The following SCN3B variants were observed in gnomAD, a reference collection of about 807,000 sequenced individuals.
SCN3B encodes sodium channel regulatory subunit beta-3.
SCN3B carries 11 observed loss-of-function variants against 25.4 expected under a neutral mutation model. That is an observed-to-expected ratio of 0.43 (90% confidence interval 0.27 to 0.72). The LOEUF (loss-of-function observed/expected upper bound fraction) is 0.72, where lower values mean the gene tolerates loss of function less well. SCN3B is among the 30% of genes least tolerant of loss of function. SCN3B has a pLI of 0.18. For synonymous variants in SCN3B, 109 were observed against 110.7 expected (o/e 0.99, Z 0.09); for missense variants, 218 against 278.3 (o/e 0.78, Z 1.54).
chr11:123,648,899 G>A (rs1720338), intron 2 of SCN3B, among the ~76,000 whole-genome samples: 12,467 of 152,204 alleles, frequency 0.082, 531 homozygotes, highest in Middle Eastern at 0.11. Context: ...AGGTCTTATT[G>A]GCCATGTTAG....
At chr11:123,634,348 A>T (rs1418995220) in intron 5 of SCN3B, 142 bp from the exon 6 acceptor site, 1 of 714,446 alleles carries the variant, frequency 1.4e-6, no homozygotes, top group African/African-American at 1.7e-5. Flanking sequence ...GAGAAAAACA[A>T]CCTTTTCTGC....
At chr11:123,634,053 G>A (rs1716177246) in intron 6 of SCN3B, 68 bp downstream of exon 6, 2 of 1,292,448 alleles carry the variant, frequency 1.5e-6, no homozygotes, top group South Asian at 1.2e-5. Context: ...TTCAGTTGTG[G>A]GCAACAAAGT....
Position 123,633,750 on chromosome 11 carries a change from G to A in SCN3B, c.*49C>T, listed in dbSNP as rs1432718483. 3 of 313,364 alleles carry A rather than the reference G, an allele frequency of 9.6e-6. No individual in the cohort carries two copies. The highest frequency in any genetic ancestry group is 4.3e-5 in the African/African-American group (2 of 46,344). The allele number at this position is 313,364 out of a possible 1,614,324, so 19.4% of individuals were successfully genotyped here. Reference sequence around the variant, plus strand: ...CCATTGACATTGCTGAACATGGGATGTCCAGTCCCTCAGGTGTTCAGGCCA... The same window carrying A: ...CCATTGACATTGCTGAACATGGGATATCCAGTCCCTCAGGTGTTCAGGCCA... On this transcript the variant is annotated 3_prime_UTR_variant, in exon 7 of 7. Coordinates refer to ENST00000299333, the MANE Select transcript of SCN3B (RefSeq NM_001040151.2).
At chr11:123,644,642 G>A (rs556504605) in intron 3 of SCN3B, among the ~76,000 whole-genome samples, 10 of 151,840 alleles carry the variant, frequency 6.6e-5, no homozygotes, top group Middle Eastern at 3.4e-3. Flanking sequence ...CATGGTGGTG[G>A]TGCCTATAGT....
intron 2 of SCN3B, among the ~76,000 whole-genome samples, chr11:123,652,809 C>T (rs1005812760): frequency 3.9e-5 from 6 of 151,978 alleles, no homozygotes; most frequent in African/African-American, 1.4e-4. Flanking sequence ...CCCATGCATT[C>T]AGATGTCTAT....
At position 123,634,140 on chromosome 11, in the gene SCN3B, G is replaced by A. The variant is rs765910895; in HGVS notation, c.*3C>T. On this transcript the variant is annotated 3_prime_UTR_variant, in exon 6 of 7. Transcript: ENST00000299333. ...GGTCACCTCATGTCACACTGCTCCT[G>A]TTCTATTCCTCCACTGGTACCGCAG... The A allele has an allele frequency of 1.2e-6, 2 of 1,613,542 alleles. No homozygotes were observed. Among genetic ancestry groups the A allele is most frequent in the Non-Finnish European group, 8.5e-7 (1 of 1,179,696 alleles).
chr11:123,638,311 G>A lies in SCN3B; in HGVS notation c.459C>T (p.Phe153=), dbSNP rs1468330507. The A allele has an allele frequency of 6.2e-7, 1 of 1,614,086 alleles. No homozygotes were observed. The highest frequency in any genetic ancestry group is 8.5e-7 in the Non-Finnish European group (1 of 1,180,046). ...LRVTEEAGED[F]TSVVSEIMMY... ...TCATGATTTCTGAGACCACAGAGGT[G>A]AAGTCCTCTCCAGCTGAAAGAAAGA... Residue 153 remains phenylalanine, a synonymous_variant, in exon 5 of 7, where the codon TTC becomes TTT. Coordinates refer to ENST00000299333, the MANE Select transcript of SCN3B (RefSeq NM_001040151.2).
rs545690408 is a variant in SCN3B, at chr11:123,649,711, C to CT, written c.56-3962dup. Among the ~76,000 whole-genome samples, 821 of 124,910 alleles carry CT rather than the reference C, an allele frequency of 6.6e-3. 2 individuals are homozygous for CT. The highest frequency in any genetic ancestry group is 8.7e-3 in the African/African-American group (294 of 33,874). 81.9% of individuals were successfully genotyped at this position (124,910 alleles called of 152,430 possible). Reference sequence around the variant, plus strand: ...TCTCTGTCTCTGTCTCTCTCTCTTTCTTTTTTTTTTAGATGGAGTTTCACT... The same window carrying CT: ...TCTCTGTCTCTGTCTCTCTCTCTTTCTTTTTTTTTTTAGATGGAGTTTCACT... On this transcript the variant is annotated intron_variant, in intron 2 of 6. Coordinates refer to ENST00000299333, the MANE Select transcript of SCN3B (RefSeq NM_001040151.2).
intron 2 of SCN3B, among the ~76,000 whole-genome samples, chr11:123,653,083 A>C (rs747584713): frequency 1.3e-5 from 2 of 152,034 alleles, no homozygotes; most frequent in Non-Finnish European, 2.9e-5. Context: ...TGAAGGCAAA[A>C]ACCCAGCTCT....
Position 123,629,304 on chromosome 11 carries a change from G to A in SCN3B, c.*4495C>T, listed in dbSNP as rs1955638152. 6.6e-6 allele frequency: 1 copy of A among 152,196 alleles called. No homozygotes were observed. The highest frequency in any genetic ancestry group is 1.5e-5 in the Non-Finnish European group (1 of 68,054). The allele number at this position is 152,196 out of a possible 1,614,324, so 9.4% of individuals were successfully genotyped here. ...GGAACATTTCCAGAGTTTGGATTGT[G>A]TTCGATGGCAGTTCACAAGCCTGCA... On this transcript the variant is annotated 3_prime_UTR_variant, in exon 7 of 7. Coordinates refer to ENST00000299333, the MANE Select transcript of SCN3B (RefSeq NM_001040151.2).
At chr11:123,646,014 G>A (rs547549749) in intron 2 of SCN3B, among the ~76,000 whole-genome samples, 2 of 152,278 alleles carry the variant, frequency 1.3e-5, no homozygotes, top group Admixed American at 1.3e-4. Context: ...TGGAGATGCA[G>A]CACCGTACAT....
intron 2 of SCN3B, among the ~76,000 whole-genome samples, chr11:123,650,657 T>C (rs1294123677): frequency 6.6e-6 from 1 of 152,042 alleles, no homozygotes; most frequent in East Asian, 1.9e-4. Flanking sequence ...AGAAGAGAAA[T>C]GGGAGGACAG....
chr11:123,649,895 G>T (rs967487877), intron 2 of SCN3B, among the ~76,000 whole-genome samples: 2 of 151,948 alleles, frequency 1.3e-5, no homozygotes, highest in Non-Finnish European at 2.9e-5. Context: ...GTAAAGACAG[G>T]GTTTCACTAT....
At position 123,631,964 on chromosome 11, in the gene SCN3B, G is replaced by C. The variant is rs949496620; in HGVS notation, c.*1835C>G. 1 of 152,142 alleles carries C rather than the reference G, an allele frequency of 6.6e-6. No individual in the cohort carries two copies. The highest frequency in any genetic ancestry group is 2.4e-5 in the African/African-American group (1 of 41,434). The allele number at this position is 152,142 out of a possible 1,614,324, so 9.4% of individuals were successfully genotyped here. A position where few individuals can be genotyped will look rare whatever the true frequency, so the allele number is the denominator to read the frequency against. ...AATATGGTCTTTCCCTATAAAGGGA[G>C]GTCCCAGGTCTGAGGGACCTCTCTC... On this transcript the variant is annotated 3_prime_UTR_variant, in exon 7 of 7. Transcript: ENST00000299333.
intron 4 of SCN3B, among the ~76,000 whole-genome samples, chr11:123,641,469 C>T (rs1258468408): frequency 6.6e-6 from 1 of 152,186 alleles, no homozygotes; most frequent in Non-Finnish European, 1.5e-5. Flanking sequence ...AAACCTGTGG[C>T]CTGGAGGTTG....
At chr11:123,646,664 A>G (rs1835741193) in intron 2 of SCN3B, among the ~76,000 whole-genome samples, 1 of 152,232 alleles carries the variant, frequency 6.6e-6, no homozygotes, top group African/African-American at 2.4e-5. Flanking sequence ...TCTGCCCTCT[A>G]GAAACTTGAA....
intron 2 of SCN3B, among the ~76,000 whole-genome samples, chr11:123,648,899 G>T (rs1720338): frequency 0.027 from 4,062 of 152,218 alleles, 203 homozygotes; most frequent in African/African-American, 0.094. Context: ...AGGTCTTATT[G>T]GCCATGTTAG....
In SCN3B at chr11:123,642,067, C is replaced by T. The variant is rs1955798041; in HGVS notation, c.445+379G>A. ...TTACAGGTAGAAGGAGAGATGACTT[C>T]CGGGTAACCTCATGAGATTTCTCTG... is the stretch of plus-strand genomic sequence containing the variant. On this transcript the variant is annotated intron_variant, in intron 4 of 6. Transcript: ENST00000299333. The surrounding 1 kb of genome is among the most constrained non-coding windows in gnomAD (Gnocchi z 4.3). Among the ~76,000 whole-genome samples the T allele has an allele frequency of 6.6e-6, 1 of 152,200 alleles. No homozygotes were observed. The highest frequency in any genetic ancestry group is 6.5e-5 in the Admixed American group (1 of 15,284).
intron 5 of SCN3B, among the ~76,000 whole-genome samples, chr11:123,637,420 T>C (rs1955741407): frequency 6.6e-6 from 1 of 152,194 alleles, no homozygotes; most frequent in African/African-American, 2.4e-5. Context: ...TGGGTTCAAA[T>C]CTCAGCCTTT....
Sources: gnomAD v4.1 joint callset for allele counts (sites outside exome capture counted in the v4.1 genomes callset) on GRCh38, gnomAD v4.1.1 for gene constraint, Gnocchi (gnomAD v3.1) non-coding constraint, MANE v1.5 for transcripts, NCBI Gene and HGNC (gene_info 2026-07-23, HGNC 2026-07-21) for gene names.